The following SLC24A1 variants were observed in gnomAD, a reference collection of about 807,000 sequenced individuals.
SLC24A1 encodes the protein solute carrier family 24 member 1, also known as sodium/potassium/calcium exchanger 1.
A neutral mutation model predicts 88.1 loss-of-function variants in SLC24A1; 52 were observed. That is an observed-to-expected ratio of 0.59 (90% CI 0.47 to 0.74). The LOEUF is 0.74. SLC24A1 is among the 30% of genes least tolerant of loss of function. The probability of loss-of-function intolerance (pLI) is 0.00; values close to 1 mark genes in which losing one functional copy is unlikely to be tolerated. For missense variants in SLC24A1, 1,173 were observed against 1,363.3 expected (o/e 0.86, Z 2.20); for synonymous variants, 455 against 498.0 (o/e 0.91, Z 1.15).
intron 2 of SLC24A1, among the ~76,000 whole-genome samples, chr15:65,614,902 A>G (rs1166508936): frequency 6.6e-6 from 1 of 152,138 alleles, no homozygotes; most frequent in South Asian, 2.1e-4. Flanking sequence ...GTAGAAAGGA[A>G]CTTCTTTCTT....
chr15:65,632,653 A>G (rs989729631), intron 2 of SLC24A1, among the ~76,000 whole-genome samples: 13 of 152,208 alleles, frequency 8.5e-5, no homozygotes, highest in African/African-American at 3.1e-4. Context: ...CCCAACATTC[A>G]TTGAGCAAAC....
intron 6 of SLC24A1, among the ~76,000 whole-genome samples, chr15:65,647,432 C>T (rs1457114348): frequency 3.5e-5 from 5 of 142,014 alleles, no homozygotes; most frequent in South Asian, 4.4e-4. Context: ...GAGCAGAAGT[C>T]GCACCACTAC....
chr15:65,625,786 T>G lies in SLC24A1; in HGVS notation c.1706T>G (p.Leu569Arg). 1 of 1,614,074 alleles carries G rather than the reference T, an allele frequency of 6.2e-7. No homozygotes were observed. The highest frequency in any genetic ancestry group is 1.1e-5 in the South Asian group (1 of 91,088). ...GATGTCTCCTTCTACATCCTTGACC[T>G]GATAATGCTCATCCTCTTCTTCCTG... Reference protein sequence around the residue: ...FRDVSFYILDLIMLILFFLDS... With the variant: ...FRDVSFYILDRIMLILFFLDS... Residue 569 changes from leucine to arginine, a missense_variant, in exon 2 of 10, where the codon CTG (leucine) becomes CGG (arginine). Transcript: ENST00000261892.
In SLC24A1 at chr15:65,649,594, A is replaced by G. The variant is rs115564122; in HGVS notation, c.2233-788A>G. Among the ~76,000 whole-genome samples the G allele has an allele frequency of 3.6e-3, 543 of 152,276 alleles. 3 individuals carry two copies. Among genetic ancestry groups the G allele is most frequent in the African/African-American group, 0.013 (524 of 41,556 alleles). On this transcript the variant is annotated intron_variant, in intron 6 of 9. Coordinates refer to ENST00000261892, the MANE Select transcript of SLC24A1 (RefSeq NM_004727.3). ...TAGTTCCTTTTACTCTAGTTTCTCC[A>G]TCTGTAAGATGGGCATAGTTTTATC...
intron 7 of SLC24A1, among the ~76,000 whole-genome samples, 168 bp downstream of exon 7, chr15:65,651,110 G>A (rs1596349907): frequency 6.6e-6 from 1 of 152,120 alleles, no homozygotes; most frequent in East Asian, 1.9e-4. Context: ...GGGGGACTAT[G>A]TGCTTAGGGG....
At chr15:65,641,182 G>T (rs560387963) in intron 4 of SLC24A1, among the ~76,000 whole-genome samples, 70 of 152,274 alleles carry the variant, frequency 4.6e-4, no homozygotes, top group Non-Finnish European at 8.2e-4. Flanking sequence ...AGAGCATCCT[G>T]GGCAACATGG....
intron 4 of SLC24A1, among the ~76,000 whole-genome samples, chr15:65,643,653 T>C (rs1296068964): frequency 1.3e-5 from 2 of 152,228 alleles, no homozygotes; most frequent in African/African-American, 4.8e-5. Flanking sequence ...TGGCACGTAG[T>C]CCCAGTTAAA....
intron 2 of SLC24A1, among the ~76,000 whole-genome samples, chr15:65,630,491 T>C (rs541640129): frequency 6.6e-6 from 1 of 152,000 alleles, no homozygotes; most frequent in South Asian, 2.1e-4. Context: ...GAACCCCCCC[T>C]GCCTCTGTGG....
downstream of SLC24A1, among the ~76,000 whole-genome samples, chr15:65,656,784 CATTTA>C (rs2075697456): frequency 6.6e-6 from 1 of 152,216 alleles, no homozygotes. Context: ...AATTCTTCCT[CATTTA>C]ATGGGTTAAG....
At chr15:65,649,024 G>T (rs1490723753) in intron 6 of SLC24A1, among the ~76,000 whole-genome samples, 3 of 152,228 alleles carry the variant, frequency 2.0e-5, no homozygotes, top group Non-Finnish European at 4.4e-5. Context: ...GAACAGCTGT[G>T]AGTATGTTAA....
rs2075286600 is a variant in SLC24A1, at chr15:65,645,909, G to A, written c.2232+206G>A. Reference sequence around the variant, plus strand: ...TCACTGGAACATCTTACATGAGTGAGCTAACATATTGACAATGTATTGTGA... The same window carrying A: ...TCACTGGAACATCTTACATGAGTGAACTAACATATTGACAATGTATTGTGA... On this transcript the variant is annotated intron_variant, in intron 6 of 9. Transcript: ENST00000261892. Among the ~76,000 whole-genome samples the A allele has an allele frequency of 2.6e-5, 4 of 152,212 alleles. No homozygotes were observed. The South Asian group carries it at 8.3e-4, about 32-fold the overall frequency.
In SLC24A1 at chr15:65,655,929, C is replaced by T. The variant is rs2075668468; in HGVS notation, c.*1850C>T. ...TTTGGTCAGAATCCTCCCGAGAAGACTGATGAAGAGTATGGAATCATGTTC... is the reference window on the plus strand; with the variant it reads ...TTTGGTCAGAATCCTCCCGAGAAGATTGATGAAGAGTATGGAATCATGTTC... On this transcript the variant is annotated 3_prime_UTR_variant, in exon 10 of 10. Transcript: ENST00000261892. 1 of 985,218 alleles carries T rather than the reference C, an allele frequency of 1.0e-6. No homozygotes were observed. Among genetic ancestry groups the T allele is most frequent in the Non-Finnish European group, 1.2e-6 (1 of 829,764 alleles). 61.0% of individuals were successfully genotyped at this position (985,218 alleles called of 1,614,324 possible). A position where few individuals can be genotyped will look rare whatever the true frequency, so the allele number is the denominator to read the frequency against.
Position 65,650,874 on chromosome 15 carries a change from G to A in SLC24A1, c.2725G>A (p.Ala909Thr). 6.2e-7 allele frequency: 1 copy of A among 1,613,974 alleles called. No individual in the cohort carries two copies. The highest frequency in any genetic ancestry group is 8.5e-7 in the Non-Finnish European group (1 of 1,179,894). Reference protein sequence around the residue: ...LDWPETRQKQAIYLFLLPIVF... With the variant: ...LDWPETRQKQTIYLFLLPIVF... Reference sequence around the variant, plus strand: ...CTGGCCTGAAACCAGGCAGAAGCAGGCCATTTACCTCTTCCTTCTGCCCAT... The same window carrying A: ...CTGGCCTGAAACCAGGCAGAAGCAGACCATTTACCTCTTCCTTCTGCCCAT... The change falls in exon 7 of 10, where the codon GCC becomes ACC. Residue 909 changes from alanine to threonine, a missense_variant. Physicochemically the swap from Ala to Thr is moderately conservative, Grantham distance 58. Transcript: ENST00000261892. The surrounding 1 kb of genome is among the most constrained non-coding windows in gnomAD (Gnocchi z 4.1).
rs1169108423 is a variant in SLC24A1, at chr15:65,641,117, G to A, written c.2053+1414G>A. Among the ~76,000 whole-genome samples the A allele has an allele frequency of 1.6e-4, 25 of 152,184 alleles. 1 individual carries two copies. The highest frequency in any genetic ancestry group is 1.6e-3 in the Admixed American group (25 of 15,284). On this transcript the variant is annotated intron_variant, in intron 4 of 9. Transcript: ENST00000261892. ...AGGCTGGACACAGTGGCTCACGCCT[G>A]TAATCCCAGTACTTTGGGAGGCCAA...
chr15:65,619,208 C>T (rs1279276910), upstream of SLC24A1, among the ~76,000 whole-genome samples: 1 of 152,206 alleles, frequency 6.6e-6, no homozygotes, highest in Non-Finnish European at 1.5e-5. Flanking sequence ...AACAGCAGTT[C>T]CATAAGGAAG....
Position 65,650,774 on chromosome 15 carries a change from G to T in SLC24A1, c.2625G>T (p.Glu875Asp), listed in dbSNP as rs1246635459. 2.5e-6 allele frequency: 4 copies of T among 1,611,264 alleles called. No homozygotes were observed. In the East Asian group the frequency reaches 6.7e-5, roughly 27 times the overall value. The change falls in exon 7 of 10, where the codon GAG (glutamate) becomes GAT (aspartate). Residue 875 changes from glutamate to aspartate, a missense_variant. By Grantham distance (45) the Glu-to-Asp change is conservative (BLOSUM62 2). Coordinates refer to ENST00000261892, the MANE Select transcript of SLC24A1 (RefSeq NM_004727.3). This position sits in a 1 kb window ranked among gnomAD's most constrained non-coding sequence, Gnocchi z 4.1. Reference protein sequence around the residue: ...EEEEQEEEEEEEEQEEEEEEE... With the variant: ...EEEEQEEEEEDEEQEEEEEEE... The stretch of plus-strand genomic sequence containing the variant: ...AAGAGCAGGAGGAAGAGGAGGAGGA[G>T]GAAGAGCAGGAGGAAGAGGAGGAGG...
At chr15:65,648,385 C>G (rs531493161) in intron 6 of SLC24A1, among the ~76,000 whole-genome samples, 1 of 152,222 alleles carries the variant, frequency 6.6e-6, no homozygotes, top group Non-Finnish European at 1.5e-5. Context: ...CATGAACACA[C>G]AGCCCAGGGC....
At chr15:65,653,176 G>A (rs2075560657) in intron 9 of SLC24A1, among the ~76,000 whole-genome samples, 2 of 152,182 alleles carry the variant, frequency 1.3e-5, no homozygotes. Flanking sequence ...TCCTTTGTAT[G>A]TGAACTCCTG....
chr15:65,658,750 A>C (rs1224074550), downstream of SLC24A1, among the ~76,000 whole-genome samples: 2 of 152,238 alleles, frequency 1.3e-5, no homozygotes, highest in Non-Finnish European at 2.9e-5. Flanking sequence ...ATTAAGCATA[A>C]CTTCTAAATA....
Sources: allele counts gnomAD v4.1 joint callset (sites outside exome capture counted in the v4.1 genomes callset), GRCh38; gene constraint gnomAD v4.1.1; non-coding constraint Gnocchi (gnomAD v3.1); transcripts MANE v1.5; gene names NCBI Gene and HGNC (gene_info 2026-07-23, HGNC 2026-07-21).